OSBP2: variants seen among roughly 807,000 people sequenced by gnomAD.
OSBP2 encodes the protein oxysterol binding protein 2.
Under a neutral mutation model 96.0 loss-of-function variants are expected in OSBP2, and 66 were observed. The ratio of observed to expected loss-of-function variants is 0.69; its 90% CI spans 0.56 to 0.84. The LOEUF is 0.84. Ranked by LOEUF, OSBP2 falls within the 40% of genes least tolerant of loss-of-function variation. The probability of loss-of-function intolerance (pLI) is 0.00; values close to 1 mark genes in which losing one functional copy is unlikely to be tolerated. For synonymous variants in OSBP2, 525 were observed against 520.9 expected (o/e 1.01, Z -0.11); for missense variants, 1,038 against 1,222.7 (o/e 0.85, Z 2.25).
intron 2 of OSBP2, among the ~76,000 whole-genome samples, chr22:30,866,654 G>A (rs751305506): frequency 2.0e-5 from 3 of 152,240 alleles, no homozygotes; most frequent in East Asian, 1.9e-4. Context: ...GGAGAATCGC[G>A]TGAACCTGGG....
At chr22:30,894,635 G>C (rs537090158) in intron 12 of OSBP2, among the ~76,000 whole-genome samples, 1 of 152,350 alleles carries the variant, frequency 6.6e-6, no homozygotes, top group East Asian at 1.9e-4. Flanking sequence ...CATTTCTAGC[G>C]AGAGTCCCAA....
chr22:30,875,832 A>G (rs578151267), intron 3 of OSBP2, among the ~76,000 whole-genome samples: 2 of 152,332 alleles, frequency 1.3e-5, no homozygotes, highest in African/African-American at 4.8e-5. Context: ...TGGGCATTTG[A>G]CATCAGACCT....
intron 2 of OSBP2, among the ~76,000 whole-genome samples, chr22:30,858,001 G>A (rs2039113172): frequency 2.0e-5 from 3 of 152,216 alleles, no homozygotes; most frequent in African/African-American, 7.2e-5. Context: ...GCGGGAGGGT[G>A]TCCGGAGAAA....
intron 2 of OSBP2, among the ~76,000 whole-genome samples, chr22:30,762,732 G>GT (rs1205814543): frequency 2.0e-5 from 3 of 152,150 alleles, no homozygotes; most frequent in Non-Finnish European, 4.4e-5. Flanking sequence ...CCTCAAGTCT[G>GT]TTTACCCTCC....
At chr22:30,795,677 G>A (rs937153253) in intron 2 of OSBP2, among the ~76,000 whole-genome samples, 1 of 151,950 alleles carries the variant, frequency 6.6e-6, no homozygotes, top group South Asian at 2.1e-4. Context: ...GCGCCACCAC[G>A]CCCAGCTAAT....
intron 2 of OSBP2, among the ~76,000 whole-genome samples, chr22:30,743,248 C>T (rs1478129838): frequency 1.3e-5 from 2 of 152,290 alleles, no homozygotes; most frequent in African/African-American, 4.8e-5. Flanking sequence ...GGTCCTTATG[C>T]CCCATCCCTG....
At chr22:30,867,765 C>T (rs971899955) in intron 2 of OSBP2, among the ~76,000 whole-genome samples, 5 of 152,232 alleles carry the variant, frequency 3.3e-5, no homozygotes, top group Admixed American at 2.6e-4. Flanking sequence ...TTCCACCTGC[C>T]ACACAGAAGG....
intron 2 of OSBP2, chr22:30,822,633 G>T: frequency 6.5e-7 from 1 of 1,532,706 alleles, no homozygotes; most frequent in Non-Finnish European, 8.7e-7. Context: ...CGCGGGAAAT[G>T]AAGGGACGCG....
chr22:30,700,453 G>A (rs1289318074), intron 1 of OSBP2, among the ~76,000 whole-genome samples: 1 of 151,970 alleles, frequency 6.6e-6, no homozygotes, highest in East Asian at 1.9e-4. Context: ...CATAAAATTA[G>A]AGAATAATTC....
chr22:30,731,997 T>C (rs959803683), intron 1 of OSBP2, among the ~76,000 whole-genome samples: 1 of 152,116 alleles, frequency 6.6e-6, no homozygotes, highest in Admixed American at 6.6e-5. Flanking sequence ...CCGTTACCAA[T>C]CATGGAAATG....
At chr22:30,760,484 AGTGCAAGATAG>A (rs1447341313) in intron 2 of OSBP2, among the ~76,000 whole-genome samples, 2 of 152,162 alleles carry the variant, frequency 1.3e-5, no homozygotes, top group South Asian at 2.1e-4. Context: ...GTGCAAGATG[AGTGCAAGATAG>A]GTGCAAGATA....
chr22:30,819,519 G>C (rs1050155105), intron 2 of OSBP2, among the ~76,000 whole-genome samples: 5 of 152,178 alleles, frequency 3.3e-5, no homozygotes, highest in African/African-American at 4.8e-5. Context: ...ATTCAACTAA[G>C]ACTTTGCAGC....
chr22:30,900,907 G>C (rs1050955938), intron 12 of OSBP2, among the ~76,000 whole-genome samples: 1 of 152,086 alleles, frequency 6.6e-6, no homozygotes. Flanking sequence ...TGTTCATTGA[G>C]AACTTTTACT....
intron 1 of OSBP2, among the ~76,000 whole-genome samples, chr22:30,707,162 T>C (rs1292363003): frequency 6.6e-6 from 1 of 151,994 alleles, no homozygotes; most frequent in Non-Finnish European, 1.5e-5. Flanking sequence ...AGTGGCGTGA[T>C]CTCAGCTCAC....
intron 2 of OSBP2, among the ~76,000 whole-genome samples, chr22:30,855,991 T>C (rs2039069545): frequency 1.3e-5 from 2 of 151,994 alleles, no homozygotes; most frequent in African/African-American, 4.8e-5. Context: ...CCCTGGGGAG[T>C]TGAGAGGAAG....
intron 2 of OSBP2, among the ~76,000 whole-genome samples, chr22:30,818,805 C>T (rs545803202): frequency 6.6e-6 from 1 of 151,970 alleles, no homozygotes; most frequent in South Asian, 2.1e-4. Context: ...CCAGGTGGGG[C>T]GTGACAAGGA....
intron 2 of OSBP2, among the ~76,000 whole-genome samples, chr22:30,855,388 C>T (rs1157432029): frequency 6.6e-6 from 1 of 152,202 alleles, no homozygotes; most frequent in African/African-American, 2.4e-5. Context: ...CTCACAGAAC[C>T]TTAGCACCCT....
intron 1 of OSBP2, among the ~76,000 whole-genome samples, chr22:30,713,600 A>G (rs1435312676): frequency 6.6e-6 from 1 of 152,034 alleles, no homozygotes; most frequent in Non-Finnish European, 1.5e-5. Flanking sequence ...AGGTGGGACT[A>G]CAGATGCACA....
intron 1 of OSBP2, among the ~76,000 whole-genome samples, chr22:30,723,715 G>A (rs1181283807): frequency 2.0e-5 from 3 of 151,996 alleles, no homozygotes; most frequent in African/African-American, 7.2e-5. Context: ...CACCCGGCCA[G>A]ATTTTTATTT....
Sources: gnomAD v4.1 joint callset for allele counts (sites outside exome capture counted in the v4.1 genomes callset) on GRCh38, gnomAD v4.1.1 for gene constraint, MANE v1.5 for transcripts, NCBI Gene and HGNC (gene_info 2026-07-23, HGNC 2026-07-21) for gene names.